MYO18B: variants seen among roughly 807,000 people sequenced by gnomAD.
The protein encoded by MYO18B is myosin XVIIIB.
MYO18B carries 204 observed loss-of-function variants against 273.0 expected under a neutral mutation model. The observed-to-expected ratio is 0.75, with a 90% CI of 0.67 to 0.84. The LOEUF (loss-of-function observed/expected upper bound fraction) is 0.84. Ranked by LOEUF, MYO18B falls within the 40% of genes least tolerant of loss-of-function variation. The pLI is 0.00. For missense variants in MYO18B, 3,212 were observed against 3,287.6 expected (o/e 0.98, Z 0.56); for synonymous variants, 1,330 against 1,305.7 (o/e 1.02, Z -0.40).
intron 2 of MYO18B, among the ~76,000 whole-genome samples, chr22:25,762,211 G>T (rs2086346491): frequency 6.6e-6 from 1 of 152,192 alleles, no homozygotes; most frequent in African/African-American, 2.4e-5. Context: ...CTGCAGTGCT[G>T]CCCCTGCTTC....
chr22:25,804,121 T>C (rs2088352908), intron 12 of MYO18B, among the ~76,000 whole-genome samples: 1 of 151,998 alleles, frequency 6.6e-6, no homozygotes. Context: ...GCCCAGAAAC[T>C]CACCGTGGTA....
chr22:25,933,859 G>A (rs986470534), intron 34 of MYO18B, among the ~76,000 whole-genome samples: 1 of 152,096 alleles, frequency 6.6e-6, no homozygotes. Flanking sequence ...CTAGAAGTGT[G>A]GTATCTCTGG....
At chr22:25,971,891 A>G (rs1213351749) in intron 39 of MYO18B, among the ~76,000 whole-genome samples, 2 of 152,216 alleles carry the variant, frequency 1.3e-5, no homozygotes, top group Non-Finnish European at 1.5e-5. Flanking sequence ...CCTAGGGACA[A>G]TTCAGACTTA....
chr22:25,920,023 C>T (rs1050260495), intron 33 of MYO18B, among the ~76,000 whole-genome samples: 5 of 152,102 alleles, frequency 3.3e-5, no homozygotes, highest in East Asian at 1.9e-4. Context: ...AGAGATGTGG[C>T]GTGACTCAGC....
intron 33 of MYO18B, among the ~76,000 whole-genome samples, chr22:25,913,488 T>C (rs1601557427): frequency 6.6e-6 from 1 of 152,182 alleles, no homozygotes; most frequent in African/African-American, 2.4e-5. Context: ...CTCAGCCTCC[T>C]GAGTAGCTGG....
At chr22:25,954,075 T>C (rs1377412056) in intron 38 of MYO18B, among the ~76,000 whole-genome samples, 2 of 152,238 alleles carry the variant, frequency 1.3e-5, no homozygotes, top group Non-Finnish European at 2.9e-5. Flanking sequence ...GCTTGAAATA[T>C]TCATGTGGGT....
intron 33 of MYO18B, among the ~76,000 whole-genome samples, chr22:25,918,737 A>G (rs1467657471): frequency 6.6e-6 from 1 of 152,226 alleles, no homozygotes; most frequent in Non-Finnish European, 1.5e-5. Flanking sequence ...CCACAGGAGA[A>G]TTAAAGGCAC....
intron 1 of MYO18B, among the ~76,000 whole-genome samples, chr22:25,742,664 T>C (rs909026616): frequency 6.6e-6 from 1 of 152,328 alleles, no homozygotes; most frequent in Admixed American, 6.5e-5. Flanking sequence ...TTTCCTCAAC[T>C]ACCAGTAATT....
chr22:26,031,191 T>G, downstream of MYO18B: 2 of 360,606 alleles, frequency 5.5e-6, no homozygotes. Context: ...TTTATTTAAA[T>G]TCCCACTAGC....
In MYO18B at chr22:25,878,069, G is replaced by A. The variant is rs373877461; in HGVS notation, c.4314+21G>A. ...GCAAGGTATCCCCATCCCTCCTCTT[G>A]GGTCCTTGTGGGGGGTCTTTATGTA... On this transcript the variant is annotated intron_variant, in intron 25 of 43. Coordinates refer to ENST00000335473, the MANE Select transcript of MYO18B (RefSeq NM_032608.7). 54 of 1,545,420 alleles carry A rather than the reference G, an allele frequency of 3.5e-5. No homozygotes were observed. In the African/African-American group the frequency reaches 6.3e-4, roughly 18 times the overall value.
intron 42 of MYO18B, among the ~76,000 whole-genome samples, chr22:26,023,483 C>G (rs1935990516): frequency 6.7e-6 from 1 of 150,282 alleles, no homozygotes; most frequent in South Asian, 2.1e-4. Flanking sequence ...CCTCCCTCCT[C>G]CTCCTCCTCC....
At chr22:25,903,321 G>A (rs2091975074) in intron 30 of MYO18B, 1 of 331,894 alleles carries the variant, frequency 3.0e-6, no homozygotes, top group Non-Finnish European at 5.6e-6. Context: ...AGCTTTAGCT[G>A]TGTGCCTCCA....
At chr22:25,793,504 A>G (rs1314907766) in intron 11 of MYO18B, among the ~76,000 whole-genome samples, 2 of 152,122 alleles carry the variant, frequency 1.3e-5, no homozygotes, top group Non-Finnish European at 2.9e-5. Flanking sequence ...CTCTCAAAGC[A>G]CTAGGATGAC....
intron 40 of MYO18B, among the ~76,000 whole-genome samples, chr22:25,994,152 G>A (rs921320994): frequency 6.6e-6 from 1 of 152,296 alleles, no homozygotes; most frequent in East Asian, 1.9e-4. Context: ...GAGCAAGATG[G>A]AGAGCCACTG....
intron 12 of MYO18B, among the ~76,000 whole-genome samples, chr22:25,814,054 A>T (rs1351773332): frequency 6.6e-6 from 1 of 152,204 alleles, no homozygotes; most frequent in East Asian, 1.9e-4. Flanking sequence ...AATATTTTTT[A>T]AAAATACATG....
Position 25,835,206 on chromosome 22 carries a change from G to A in MYO18B, c.3061-90G>A, listed in dbSNP as rs1449347167. ...GAGTCCTGACACTTGGGACTTGGAT[G>A]CTCTCATTCCCTATCGGTGGGAAGA... On this transcript the variant is annotated intron_variant, in intron 16 of 43. Transcript: ENST00000335473. 4 of 1,445,996 alleles carry A rather than the reference G, an allele frequency of 2.8e-6. No homozygotes were observed. The South Asian group carries it at 5.7e-5, about 20-fold the overall frequency. The allele number at this position is 1,445,996 out of a possible 1,614,324, so 89.6% of individuals were successfully genotyped here.
At chr22:25,817,607 T>C (rs5761252) in intron 12 of MYO18B, among the ~76,000 whole-genome samples, 144,445 of 152,090 alleles carry the variant, frequency 0.95, 69,043 homozygotes, top group East Asian at 1. Context: ...GTTAGGTAAC[T>C]ACTCTTTCAG....
At chr22:26,041,517 G>C in the MYO18B span, among the ~76,000 whole-genome samples, 5 of 152,126 alleles carry the variant, frequency 3.3e-5, no homozygotes, top group Non-Finnish European at 7.3e-5. Context: ...AGGCAACAGA[G>C]TGAGGCTCTA....
At chr22:25,963,535 C>A (rs1204811298) in intron 39 of MYO18B, among the ~76,000 whole-genome samples, 2 of 147,448 alleles carry the variant, frequency 1.4e-5, no homozygotes, top group African/African-American at 5.1e-5. Context: ...ATTCAGGGCC[C>A]ACCTTAATCT....
Sources: allele counts gnomAD v4.1 joint callset (sites outside exome capture counted in the v4.1 genomes callset), GRCh38; gene constraint gnomAD v4.1.1; transcripts MANE v1.5; gene names NCBI Gene and HGNC (gene_info 2026-07-23, HGNC 2026-07-21).